The following DHX57 variants were observed in gnomAD, a reference collection of about 807,000 sequenced individuals.
DHX57 encodes DExH-box helicase 57, also known as putative ATP-dependent RNA helicase DHX57.
A neutral mutation model predicts 156.2 loss-of-function variants in DHX57; 105 were observed. That is an observed-to-expected ratio of 0.67 (90% CI 0.57 to 0.79). The LOEUF (loss-of-function observed/expected upper bound fraction) is 0.79, where lower values mean the gene tolerates loss of function less well. Ranked by LOEUF, DHX57 falls within the 30% of genes least tolerant of loss-of-function variation. The pLI is 0.00. For missense variants in DHX57, 1,847 were observed against 1,661.9 expected (o/e 1.11, Z -1.94); for synonymous variants, 704 against 595.6 (o/e 1.18, Z -2.65).
chr2:38,846,675 C>T lies in DHX57; in HGVS notation c.2219+344G>A, dbSNP rs534724186. Reference sequence around the variant, plus strand: ...GTAGAGGGACTTAAATATTGGCAGTCTGTTTGCTGAAAGAGAGGGGAGAAC... The same window carrying T: ...GTAGAGGGACTTAAATATTGGCAGTTTGTTTGCTGAAAGAGAGGGGAGAAC... On this transcript the variant is annotated intron_variant, in intron 11 of 23. Coordinates refer to ENST00000457308, the MANE Select transcript of DHX57 (RefSeq NM_198963.3). Among the ~76,000 whole-genome samples, 21 of 150,916 alleles carry T rather than the reference C, an allele frequency of 1.4e-4. No individual in the cohort carries two copies. In the East Asian group the frequency reaches 3.5e-3, roughly 25 times the overall value.
rs1376344212 is a variant in DHX57 at position 38,814,723 on chromosome 2, A to G, written c.3606+798T>C. On this transcript the variant is annotated intron_variant, in intron 20 of 23. Coordinates refer to ENST00000457308, the MANE Select transcript of DHX57 (RefSeq NM_198963.3). ...AAACAACAGCAACAATGAGCAGAAA[A>G]CCCTGTTTTTTTTTTTGAGACAGAG... 5.5e-5 allele frequency among the ~76,000 whole-genome samples: 6 copies of G among 109,832 alleles called. No individual in the cohort carries two copies. In the Admixed American group the frequency reaches 5.9e-4, roughly 11 times the overall value. 72.1% of individuals were successfully genotyped at this position (109,832 alleles called of 152,430 possible). A position where few individuals can be genotyped will look rare whatever the true frequency, so the allele number is the denominator to read the frequency against.
At chr2:38,818,773 T>C in intron 19 of DHX57, 104 bp downstream of exon 19, 9 of 1,297,166 alleles carry the variant, frequency 6.9e-6, no homozygotes, top group Non-Finnish European at 9.8e-6. Context: ...ATTCCAGAAA[T>C]AACATTTGCA....
rs533091443 is a variant in DHX57 at position 38,808,859 on chromosome 2, C to T, written c.3682-2166G>A. On this transcript the variant is annotated intron_variant, in intron 21 of 23. Transcript: ENST00000457308. ...GGCTGGTCTTCAATTCCTGGCCTTA[C>T]GCAGTCCTCCCACCTGGGCCTCCCA... Among the ~76,000 whole-genome samples, 126 of 151,942 alleles carry T rather than the reference C, an allele frequency of 8.3e-4. 1 individual carries two copies. The South Asian group carries it at 0.022, about 27-fold the overall frequency.
chr2:38,874,662 G>T lies in DHX57; in HGVS notation c.-7+1125C>A, dbSNP rs559856308. On this transcript the variant is annotated intron_variant, in intron 1 of 23. Coordinates refer to ENST00000457308, the MANE Select transcript of DHX57 (RefSeq NM_198963.3). ...CTGACCTCGTGATCCGCCCGCCTCG[G>T]CCTCCCACAGTGCTGGGATTACAGG... Among the ~76,000 whole-genome samples, 10 of 152,184 alleles carry T rather than the reference G, an allele frequency of 6.6e-5. No individual in the cohort carries two copies. In the East Asian group the frequency reaches 1.7e-3, roughly 26 times the overall value.
At chr2:38,826,433 TA>T in intron 15 of DHX57, 82 bp downstream of exon 15, 1 of 1,470,100 alleles carries the variant, frequency 6.8e-7, no homozygotes, top group Non-Finnish European at 9.3e-7. Context: ...CCGTGTAGCT[TA>T]ATAGCATTAG....
chr2:38,823,396 C>A, intron 16 of DHX57, 127 bp from the exon 17 acceptor site: 1 of 954,856 alleles, frequency 1.0e-6, no homozygotes, highest in Non-Finnish European at 1.5e-6. Flanking sequence ...CTCATGTTTT[C>A]TACTTCTACC....
chr2:38,829,882 C>G (rs1671291718), intron 13 of DHX57, among the ~76,000 whole-genome samples: 1 of 152,148 alleles, frequency 6.6e-6, no homozygotes, highest in African/African-American at 2.4e-5. Flanking sequence ...ATTTTAGAGA[C>G]AGCCCATTAA....
At chr2:38,826,812 G>T in intron 14 of DHX57, 123 bp from the exon 15 acceptor site, 1 of 1,050,614 alleles carries the variant, frequency 9.5e-7, no homozygotes, top group Non-Finnish European at 1.4e-6. Context: ...TCCACAACCT[G>T]TCCTCAGAGC....
intron 6 of DHX57, among the ~76,000 whole-genome samples, chr2:38,858,028 C>T (rs559431969): frequency 2.0e-5 from 3 of 152,138 alleles, no homozygotes; most frequent in Non-Finnish European, 4.4e-5. Context: ...TTACCACGCC[C>T]GCCTGGCTCT....
intron 11 of DHX57, among the ~76,000 whole-genome samples, chr2:38,843,640 T>C (rs1312444035): frequency 2.0e-5 from 3 of 152,228 alleles, no homozygotes; most frequent in African/African-American, 4.8e-5. Flanking sequence ...AACCTAAGAC[T>C]ATTCTTAAAA....
intron 4 of DHX57, 148 bp from the exon 5 acceptor site, chr2:38,861,985 C>T (rs1446694939): frequency 2.5e-6 from 3 of 1,219,612 alleles, no homozygotes; most frequent in Non-Finnish European, 2.2e-6. Context: ...TAACAATAAG[C>T]CCCCCTGAAT....
rs532486917 is a variant in DHX57, at chr2:38,861,112, C to T, written c.1298G>A (p.Ser433Asn). ...KLLTNTHHKY[S>N]DPPVNFLPVP... ...TGGCAGAAAGTTCACAGGAGGGTCA[C>T]TATACTTGTGGTGGGTATTCGTTAG... Residue 433 changes from serine to asparagine, a missense_variant, in exon 5 of 24, where the codon AGT becomes AAT. Ser to Asn is a conservative substitution (Grantham distance 46). Coordinates refer to ENST00000457308, the MANE Select transcript of DHX57 (RefSeq NM_198963.3). 2 of 1,614,198 alleles carry T rather than the reference C, an allele frequency of 1.2e-6. No homozygotes were observed. Among genetic ancestry groups the T allele is most frequent in the South Asian group, 2.2e-5 (2 of 91,086 alleles).
rs1419805524 is a variant in DHX57, at chr2:38,798,201, C to G, written c.*98G>C. The G allele has an allele frequency of 6.7e-7, 1 of 1,498,636 alleles. No homozygotes were observed. The highest frequency in any genetic ancestry group is 8.9e-7 in the Non-Finnish European group (1 of 1,118,880). 92.8% of individuals were successfully genotyped at this position (1,498,636 alleles called of 1,614,324 possible). A position where few individuals can be genotyped will look rare whatever the true frequency, so the allele number is the denominator to read the frequency against. The stretch of plus-strand genomic sequence containing the variant: ...ATGCCCTGGGCTCCTCCACCAGGGC[C>G]AGCCCCAATAGGTCTTTAGTTCGAG... On this transcript the variant is annotated 3_prime_UTR_variant, in exon 24 of 24. Coordinates refer to ENST00000457308, the MANE Select transcript of DHX57 (RefSeq NM_198963.3).
chr2:38,872,367 T>C (rs1217289515), intron 1 of DHX57, among the ~76,000 whole-genome samples: 2 of 152,196 alleles, frequency 1.3e-5, no homozygotes, highest in Admixed American at 6.5e-5. Context: ...TAGAGTTAGA[T>C]GTAATTCTCA....
intron 1 of DHX57, among the ~76,000 whole-genome samples, chr2:38,872,017 A>G (rs1410269870): frequency 6.6e-6 from 1 of 152,036 alleles, no homozygotes; most frequent in Non-Finnish European, 1.5e-5. Flanking sequence ...CTAATAACTC[A>G]TTCTTGCTAT....
intron 13 of DHX57, among the ~76,000 whole-genome samples, chr2:38,832,551 ATTT>A (rs36089129): frequency 0.14 from 12,415 of 89,304 alleles, 587 homozygotes; most frequent in Non-Finnish European, 0.17. Flanking sequence ...ATATATATAT[ATTT>A]TTTTTTTTAG....
At chr2:38,833,145 C>A (rs913058801) in intron 13 of DHX57, among the ~76,000 whole-genome samples, 4 of 151,604 alleles carry the variant, frequency 2.6e-5, no homozygotes, top group Non-Finnish European at 5.9e-5. Context: ...AAAATGAATT[C>A]TTTTATTTTT....
intron 5 of DHX57, among the ~76,000 whole-genome samples, chr2:38,860,163 T>C (rs1673117492): frequency 6.6e-6 from 1 of 151,706 alleles, no homozygotes; most frequent in African/African-American, 2.4e-5. Flanking sequence ...AGAATCTGCA[T>C]AGCAGCCCAT....
intron 9 of DHX57, among the ~76,000 whole-genome samples, chr2:38,852,336 CTTTT>C (rs58025139): frequency 7.7e-6 from 1 of 130,382 alleles, no homozygotes; most frequent in African/African-American, 2.8e-5. Context: ...GCCACCAATC[CTTTT>C]TTTTTTTTTT....
Sources: allele counts gnomAD v4.1 joint callset (sites outside exome capture counted in the v4.1 genomes callset), GRCh38; gene constraint gnomAD v4.1.1; transcripts MANE v1.5; gene names NCBI Gene and HGNC (gene_info 2026-07-23, HGNC 2026-07-21).